NAV3: variants seen among roughly 807,000 people sequenced by gnomAD.
NAV3 encodes the protein neuron navigator 3, also known as pore membrane and/or filament interacting like protein 1.
NAV3 carries 87 observed loss-of-function variants against 244.7 expected under a neutral mutation model. That is an observed-to-expected ratio of 0.36 (90% CI 0.30 to 0.42). The LOEUF (loss-of-function observed/expected upper bound fraction) is 0.42. NAV3 is among the 20% of genes least tolerant of loss of function. The probability of loss-of-function intolerance (pLI) is 1.00; values close to 1 mark genes in which losing one functional copy is unlikely to be tolerated. For missense variants in NAV3, 2,663 were observed against 2,893.3 expected, an observed-to-expected ratio of 0.92 and a Z score of 1.83; for synonymous variants, 1,126 against 1,042.2, an observed-to-expected ratio of 1.08 and a Z score of -1.55.
chr12:78,059,195 A>C, intron 12 of NAV3, 80 bp downstream of exon 12: 1 of 1,324,574 alleles, frequency 7.5e-7, no homozygotes, highest in African/African-American at 1.5e-5. Context: ...AACTCCTATT[A>C]AACAGTGTAA....
At chr12:77,620,525 C>T (rs750614780) in intron 2 of NAV3, among the ~76,000 whole-genome samples, 1 of 151,534 alleles carries the variant, frequency 6.6e-6, no homozygotes. Flanking sequence ...TGCAGTGGTG[C>T]GATCTCGGCT....
At chr12:78,103,076 G>A (rs1334832006) in intron 12 of NAV3, among the ~76,000 whole-genome samples, 3 of 152,042 alleles carry the variant, frequency 2.0e-5, no homozygotes, top group African/African-American at 4.8e-5. Context: ...TCAAAAAATG[G>A]GTTTTTCTTT....
At chr12:78,020,406 T>C (rs1876952896) in intron 8 of NAV3, among the ~76,000 whole-genome samples, 2 of 152,170 alleles carry the variant, frequency 1.3e-5, no homozygotes, top group Non-Finnish European at 2.9e-5. Context: ...AAATAGTACA[T>C]TTTCTTTCTA....
At chr12:77,842,092 AAG>A (rs1220843033) in intron 1 of NAV3, among the ~76,000 whole-genome samples, 1 of 152,200 alleles carries the variant, frequency 6.6e-6, no homozygotes, top group East Asian at 1.9e-4. Context: ...AAAATAGTCT[AAG>A]GTGCTCAGAT....
At chr12:78,188,207 C>A (rs375557120) in intron 31 of NAV3, 41 bp from the exon 32 acceptor site, 2 of 1,387,386 alleles carry the variant, frequency 1.4e-6, no homozygotes, top group African/African-American at 1.4e-5. Context: ...AAAAAAGATA[C>A]ACGGTTGGAT....
chr12:78,206,830 T>C (rs1299671583), intron 39 of NAV3, among the ~76,000 whole-genome samples: 1 of 149,454 alleles, frequency 6.7e-6, no homozygotes, highest in Non-Finnish European at 1.5e-5. Flanking sequence ...AATAAATATT[T>C]CTATCTTTTT....
intron 2 of NAV3, among the ~76,000 whole-genome samples, chr12:77,643,304 T>C (rs1872496539): frequency 1.3e-5 from 2 of 151,968 alleles, no homozygotes; most frequent in Non-Finnish European, 2.9e-5. Context: ...TCACATACTT[T>C]ATGAGTTTAT....
chr12:77,815,052 G>T (rs947238176), intron 2 of NAV3, among the ~76,000 whole-genome samples: 5 of 152,216 alleles, frequency 3.3e-5, no homozygotes, highest in Admixed American at 3.3e-4. Flanking sequence ...ATAGCAGCGA[G>T]TGAGCCCCAG....
At chr12:77,961,416 T>G (rs1021869554) in intron 3 of NAV3, among the ~76,000 whole-genome samples, 3 of 134,230 alleles carry the variant, frequency 2.2e-5, no homozygotes, top group African/African-American at 5.3e-5. Context: ...AAATGTTTAC[T>G]ATATTATGTA....
chr12:77,849,803 C>G (rs1877225623), intron 1 of NAV3, among the ~76,000 whole-genome samples: 1 of 152,120 alleles, frequency 6.6e-6, no homozygotes, highest in African/African-American at 2.4e-5. Flanking sequence ...TATACTAAGT[C>G]TACCTTGAGC....
At chr12:78,090,999 T>TGTGA (rs1491051593) in intron 12 of NAV3, among the ~76,000 whole-genome samples, 3 of 142,444 alleles carry the variant, frequency 2.1e-5, no homozygotes, top group Non-Finnish European at 4.6e-5. Flanking sequence ...TGTGTGTGTG[T>TGTGA]GAATATGTCC....
At chr12:78,190,259 C>T in intron 34 of NAV3, 40 bp downstream of exon 34, 2 of 1,514,216 alleles carry the variant, frequency 1.3e-6, no homozygotes, top group South Asian at 1.2e-5. Context: ...ACAATTTATC[C>T]ATAAGTGTTT....
rs1488952239 is a variant in NAV3 at position 78,006,314 on chromosome 12, GGA to G, written c.881-98_881-97del. ...TGCTGCAGTCTCTTTTCAGTTCAGA[GGA>G]GAGAGACTTCTATCCATCAATAGTT... is the stretch of plus-strand genomic sequence containing the variant. On this transcript the variant is annotated intron_variant, in intron 7 of 39. Coordinates refer to ENST00000397909, the MANE Select transcript of NAV3 (RefSeq NM_001024383.2). The G allele has an allele frequency of 8.6e-6, 9 of 1,042,154 alleles. No individual in the cohort carries two copies. The African/African-American group carries it at 1.4e-4, about 17-fold the overall frequency. The allele number at this position is 1,042,154 out of a possible 1,614,324, so 64.6% of individuals were successfully genotyped here. A position where few individuals can be genotyped will look rare whatever the true frequency, so the allele number is the denominator to read the frequency against.
rs776540547 is a variant in NAV3 at position 78,116,873 on chromosome 12, A to G, written c.2738A>G (p.Asn913Ser). ...NTTSSVSSYS[N>S]ITVPSRKNTQ... The stretch of plus-strand genomic sequence containing the variant: ...ACATCCTCTGTCAGCTCTTACTCCA[A>G]CATCACCGTCCCCTCTAGGAAGAAT... Residue 913 changes from asparagine (N) to serine (S), a missense_variant, in exon 13 of 40, where the codon AAC (asparagine) becomes AGC (serine). Coordinates refer to ENST00000397909, the MANE Select transcript of NAV3 (RefSeq NM_001024383.2). 7 of 1,613,118 alleles carry G rather than the reference A, an allele frequency of 4.3e-6. No individual in the cohort carries two copies. In the African/African-American group the frequency reaches 9.4e-5, roughly 22 times the overall value.
At chr12:77,656,105 C>G (rs553384274) in intron 2 of NAV3, among the ~76,000 whole-genome samples, 14 of 151,066 alleles carry the variant, frequency 9.3e-5, no homozygotes, top group African/African-American at 7.3e-5. Flanking sequence ...TCACACATAA[C>G]AATATTAACT....
chr12:78,071,716 T>C (rs553346556), intron 12 of NAV3, among the ~76,000 whole-genome samples: 1 of 152,276 alleles, frequency 6.6e-6, no homozygotes, highest in South Asian at 2.1e-4. Context: ...CCCAGCGCCA[T>C]TTATTAAATA....
chr12:77,606,705 A>G (rs1870685395), intron 2 of NAV3, among the ~76,000 whole-genome samples: 1 of 152,148 alleles, frequency 6.6e-6, no homozygotes, highest in East Asian at 1.9e-4. Flanking sequence ...GCTTGCTTTG[A>G]TGAAGACTCC....
At chr12:77,881,055 A>C (rs1592880581) in intron 1 of NAV3, among the ~76,000 whole-genome samples, 1 of 152,168 alleles carries the variant, frequency 6.6e-6, no homozygotes, top group Non-Finnish European at 1.5e-5. Flanking sequence ...TACAGCCTCA[A>C]ACTCCTCAGT....
intron 1 of NAV3, among the ~76,000 whole-genome samples, chr12:77,891,355 C>T (rs1209550244): frequency 6.7e-6 from 1 of 150,368 alleles, no homozygotes; most frequent in Non-Finnish European, 1.5e-5. Flanking sequence ...ATAAAGATTA[C>T]TTCAATACTA....
Sources: gnomAD v4.1 joint callset for allele counts (sites outside exome capture counted in the v4.1 genomes callset) on GRCh38, gnomAD v4.1.1 for gene constraint, MANE v1.5 for transcripts, NCBI Gene and HGNC (gene_info 2026-07-23, HGNC 2026-07-21) for gene names.